Variants in SMC5 observed in about 807,000 individuals in gnomAD.
SMC5 encodes structural maintenance of chromosomes protein 5.
A neutral mutation model predicts 148.3 loss-of-function variants in SMC5; 88 were observed. That is an observed-to-expected ratio of 0.59 (90% CI 0.50 to 0.71). The LOEUF (loss-of-function observed/expected upper bound fraction) is 0.71, where lower values mean the gene tolerates loss of function less well. Ranked by LOEUF, SMC5 falls within the 30% of genes least tolerant of loss-of-function variation. The probability of loss-of-function intolerance (pLI) is 0.00; values close to 1 mark genes in which losing one functional copy is unlikely to be tolerated. For synonymous variants in SMC5, 421 were observed against 432.8 expected (o/e 0.97, Z 0.34); for missense variants, 1,142 against 1,298.9 (o/e 0.88, Z 1.86).
intron 17 of SMC5, among the ~76,000 whole-genome samples, chr9:70,327,310 G>A (rs1231276590): frequency 2.6e-5 from 4 of 152,100 alleles, no homozygotes; most frequent in Non-Finnish European, 4.4e-5. Context: ...GAGCCTACAT[G>A]AAGAATCGTA....
chr9:70,346,484 A>G (rs575469635), intron 18 of SMC5, 121 bp from the exon 19 acceptor site: 19 of 960,592 alleles, frequency 2.0e-5, no homozygotes, highest in African/African-American at 9.8e-5. Context: ...GTGAAATTCA[A>G]CTGTCAAAGT....
chr9:70,340,908 A>G (rs1002968944), intron 17 of SMC5, among the ~76,000 whole-genome samples: 10 of 152,306 alleles, frequency 6.6e-5, no homozygotes, highest in African/African-American at 2.4e-4. Flanking sequence ...TCTAGGGTAT[A>G]TAACTACAAA....
intron 4 of SMC5, 23 bp downstream of exon 4, chr9:70,277,495 G>C: frequency 6.4e-7 from 1 of 1,554,118 alleles, no homozygotes; most frequent in Non-Finnish European, 8.7e-7. Context: ...TAAATGTAAA[G>C]ATGGGAAAAT....
In SMC5 at chr9:70,278,641, A is replaced by G; in HGVS notation, c.678+16A>G. The G allele has an allele frequency of 6.3e-7, 1 of 1,591,870 alleles. No individual in the cohort carries two copies. Among genetic ancestry groups the G allele is most frequent in the Non-Finnish European group, 8.5e-7 (1 of 1,173,432 alleles). On this transcript the variant is annotated intron_variant, in intron 5 of 24. Transcript: ENST00000361138. Reference sequence around the variant, plus strand: ...ACAGCTCGAGGTACTTTAAATAGACAACTCATTTGTATTGTTTCTTATTGA... The same window carrying G: ...ACAGCTCGAGGTACTTTAAATAGACGACTCATTTGTATTGTTTCTTATTGA...
chr9:70,341,938 A>G (rs1161944133), intron 17 of SMC5, among the ~76,000 whole-genome samples: 6 of 150,922 alleles, frequency 4.0e-5, no homozygotes, highest in Non-Finnish European at 8.8e-5. Flanking sequence ...ACACATGCAC[A>G]CGTATATTTA....
At chr9:70,346,206 C>T (rs1048942965) in intron 18 of SMC5, among the ~76,000 whole-genome samples, 1 of 152,128 alleles carries the variant, frequency 6.6e-6, no homozygotes, top group Non-Finnish European at 1.5e-5. Flanking sequence ...CATGAGCTTA[C>T]ATCTCAGTAA....
intron 15 of SMC5, among the ~76,000 whole-genome samples, chr9:70,319,353 A>G (rs889512808): frequency 3.9e-5 from 6 of 152,158 alleles, no homozygotes; most frequent in Non-Finnish European, 8.8e-5. Context: ...TAAACCCATT[A>G]TGTGTTAACA....
chr9:70,313,352 C>CGT (rs941207155), intron 11 of SMC5, among the ~76,000 whole-genome samples: 8 of 151,922 alleles, frequency 5.3e-5, no homozygotes, highest in African/African-American at 4.8e-5. Context: ...TTTTCTTGAA[C>CGT]GTGTGTATAT....
intron 20 of SMC5, 117 bp from the exon 21 acceptor site, chr9:70,347,496 A>G (rs1016052946): frequency 1.3e-5 from 8 of 600,988 alleles, no homozygotes; most frequent in African/African-American, 1.1e-4. Context: ...TATTATTTGC[A>G]TACAAACAAT....
At chr9:70,313,485 TTTTTG>T (rs1031159968) in intron 11 of SMC5, among the ~76,000 whole-genome samples, 4 of 152,042 alleles carry the variant, frequency 2.6e-5, no homozygotes, top group Non-Finnish European at 5.9e-5. Context: ...GTAGTTGTTT[TTTTTG>T]TTTTGTTTTG....
Position 70,279,028 on chromosome 9 carries a change from C to T in SMC5, c.678+403C>T, listed in dbSNP as rs576543242. On this transcript the variant is annotated intron_variant, in intron 5 of 24. Transcript: ENST00000361138. ...AGCACTTCCGTTGAACCAATTCTCT[C>T]ATGTATTTTTTTCAGTCACATGAGG... Among the ~76,000 whole-genome samples the T allele has an allele frequency of 5.8e-4, 89 of 152,198 alleles. 2 individuals carry two copies. The highest frequency in any genetic ancestry group is 1.2e-3 in the Non-Finnish European group (79 of 68,006).
intron 15 of SMC5, among the ~76,000 whole-genome samples, chr9:70,322,612 G>C (rs1442725363): frequency 6.6e-6 from 1 of 152,180 alleles, no homozygotes; most frequent in Non-Finnish European, 1.5e-5. Flanking sequence ...GAGGTGCGTG[G>C]ATCACTTGAG....
chr9:70,285,451 T>C (rs1427927363), intron 7 of SMC5, among the ~76,000 whole-genome samples: 1 of 152,242 alleles, frequency 6.6e-6, no homozygotes, highest in Non-Finnish European at 1.5e-5. Context: ...CTAGGCCTTC[T>C]AGCAGCATGT....
At chr9:70,299,080 A>G (rs1300570286) in intron 9 of SMC5, among the ~76,000 whole-genome samples, 2 of 151,930 alleles carry the variant, frequency 1.3e-5, no homozygotes, top group Non-Finnish European at 2.9e-5. Context: ...TTCATAAGCT[A>G]CAAATAGTAC....
chr9:70,347,677 A>G lies in SMC5; in HGVS notation c.2729A>G (p.Lys910Arg). The G allele has an allele frequency of 6.3e-7, 1 of 1,589,442 alleles. No homozygotes were observed. Among genetic ancestry groups the G allele is most frequent in the Non-Finnish European group, 8.5e-7 (1 of 1,171,452 alleles). ...IEQLTEELKG[K>R]KVELDQYREN... The stretch of plus-strand genomic sequence containing the variant: ...CAGTTAACTGAGGAACTAAAGGGAA[A>G]GAAAGTTGAACTAGATCAATACAGG... The change falls in exon 21 of 25, where the codon AAG becomes AGG. Residue 910 changes from lysine (K) to arginine (R), a missense_variant. Physicochemically the swap from Lys to Arg is conservative, Grantham distance 26. Coordinates refer to ENST00000361138, the MANE Select transcript of SMC5 (RefSeq NM_015110.4).
chr9:70,305,518 C>T (rs1387746452), intron 11 of SMC5, among the ~76,000 whole-genome samples, 158 bp downstream of exon 11: 1 of 152,156 alleles, frequency 6.6e-6, no homozygotes, highest in African/African-American at 2.4e-5. Context: ...CTATTTATGG[C>T]ATTGTGGGTC....
chr9:70,354,024 T>A lies in SMC5; in HGVS notation c.*1693T>A, dbSNP rs955520203. On this transcript the variant is annotated 3_prime_UTR_variant, in exon 25 of 25. Coordinates refer to ENST00000361138, the MANE Select transcript of SMC5 (RefSeq NM_015110.4). ...GCATGTTTGAAAATAAAATGGTCAA[T>A]TACATTTCAATTTACATAGGCCAAC... is the stretch of plus-strand genomic sequence containing the variant. 4.6e-5 allele frequency: 7 copies of A among 152,204 alleles called. No homozygotes were observed. Among genetic ancestry groups the A allele is most frequent in the Non-Finnish European group, 8.8e-5 (6 of 68,036 alleles). 9.4% of individuals were successfully genotyped at this position (152,204 alleles called of 1,614,324 possible).
At chr9:70,269,438 C>T (rs754069840) in intron 3 of SMC5, among the ~76,000 whole-genome samples, 1 of 151,892 alleles carries the variant, frequency 6.6e-6, no homozygotes, top group African/African-American at 2.4e-5. Context: ...AAAAATTAGC[C>T]AGGCCTGGCT....
chr9:70,282,006 G>T (rs961759513), intron 6 of SMC5, among the ~76,000 whole-genome samples: 2 of 141,728 alleles, frequency 1.4e-5, no homozygotes, highest in Admixed American at 6.9e-5. Flanking sequence ...CTACATGCTG[G>T]TTTTTATTTT....
Sources: gnomAD v4.1 joint callset for allele counts (sites outside exome capture counted in the v4.1 genomes callset) on GRCh38, gnomAD v4.1.1 for gene constraint, MANE v1.5 for transcripts, NCBI Gene and HGNC (gene_info 2026-07-23, HGNC 2026-07-21) for gene names.